The following CCSER1 variants were observed in gnomAD, a reference collection of about 807,000 sequenced individuals.
The protein encoded by CCSER1 is coiled-coil serine rich protein 1, also known as serine-rich coiled-coil domain-containing protein 1.
In CCSER1, 41 loss-of-function variants were observed where a neutral mutation model predicts 82.0. The ratio of observed to expected loss-of-function variants is 0.50; its 90% confidence interval spans 0.39 to 0.65. CCSER1 has a LOEUF of 0.65. Among genes scored for constraint, CCSER1 ranks in the 30% least tolerant of loss-of-function variants. CCSER1 has a pLI of 0.00. For synonymous variants in CCSER1, 414 were observed against 383.9 expected (o/e 1.08, Z -0.92); for missense variants, 1,119 against 1,064.2 (o/e 1.05, Z -0.72).
chr4:91,074,808 A>C (rs556378825), intron 9 of CCSER1, among the ~76,000 whole-genome samples: 1 of 152,330 alleles, frequency 6.6e-6, no homozygotes, highest in African/African-American at 2.4e-5. Flanking sequence ...TTTAAAAATT[A>C]TTATTTTATT....
At chr4:91,164,004 G>T (rs1027895385) in intron 10 of CCSER1, among the ~76,000 whole-genome samples, 1 of 152,152 alleles carries the variant, frequency 6.6e-6, no homozygotes, top group Non-Finnish European at 1.5e-5. Context: ...CTCGTTAGTT[G>T]ATGCAGTTTC....
At chr4:91,052,543 T>C (rs932537875) in intron 9 of CCSER1, among the ~76,000 whole-genome samples, 2 of 152,236 alleles carry the variant, frequency 1.3e-5, no homozygotes, top group South Asian at 2.1e-4. Flanking sequence ...CATCCTGTTG[T>C]GGATCACTTG....
intron 10 of CCSER1, among the ~76,000 whole-genome samples, chr4:91,249,698 T>A (rs1248332716): frequency 6.6e-6 from 1 of 152,178 alleles, no homozygotes; most frequent in Non-Finnish European, 1.5e-5. Flanking sequence ...CTAAAGTTTG[T>A]TTATAATACT....
At position 91,163,819 on chromosome 4, in the gene CCSER1, G is replaced by A. The variant is rs558941742; in HGVS notation, c.2217+77825G>A. The stretch of plus-strand genomic sequence containing the variant: ...CTCTATCCCTTTATTTTGAGCCTAT[G>A]TGTGTCTCTGCAAGTGAGATGGGTT... On this transcript the variant is annotated intron_variant, in intron 10 of 10. Coordinates refer to ENST00000509176, the MANE Select transcript of CCSER1 (RefSeq NM_001145065.2). Among the ~76,000 whole-genome samples the A allele has an allele frequency of 5.3e-5, 8 of 152,156 alleles. No individual in the cohort carries two copies. The East Asian group carries it at 1.4e-3, about 26-fold the overall frequency.
At chr4:90,492,799 G>A (rs145664471) in intron 5 of CCSER1, among the ~76,000 whole-genome samples, 2,565 of 152,244 alleles carry the variant, frequency 0.017, 68 homozygotes, top group African/African-American at 0.059. Context: ...TCAGGAGCAG[G>A]TTGTTCAGTT....
At chr4:90,675,371 T>A (rs1482630256) in intron 6 of CCSER1, among the ~76,000 whole-genome samples, 1 of 151,786 alleles carries the variant, frequency 6.6e-6, no homozygotes, top group Non-Finnish European at 1.5e-5. Flanking sequence ...AAGAAAAAAA[T>A]ATTCTATATT....
At chr4:91,115,969 T>C (rs932512306) in intron 10 of CCSER1, among the ~76,000 whole-genome samples, 1 of 151,720 alleles carries the variant, frequency 6.6e-6, no homozygotes, top group Admixed American at 6.6e-5. Context: ...ACTTGTCATT[T>C]ACATTAGGTA....
intron 1 of CCSER1, among the ~76,000 whole-genome samples, chr4:90,186,945 G>A (rs1269730071): frequency 1.3e-5 from 2 of 151,766 alleles, no homozygotes; most frequent in African/African-American, 2.4e-5. Flanking sequence ...TTTCTGCATC[G>A]TTTTTCCCTT....
At chr4:91,464,511 CTTA>C (rs1756741616) in intron 10 of CCSER1, among the ~76,000 whole-genome samples, 1 of 152,080 alleles carries the variant, frequency 6.6e-6, no homozygotes, top group Non-Finnish European at 1.5e-5. Flanking sequence ...CAATATAAAC[CTTA>C]AATGTAAATG....
At chr4:90,557,815 A>G (rs1490775530) in intron 5 of CCSER1, among the ~76,000 whole-genome samples, 1 of 152,140 alleles carries the variant, frequency 6.6e-6, no homozygotes, top group Non-Finnish European at 1.5e-5. Flanking sequence ...CTCATATTAC[A>G]TGTGGACATT....
At chr4:90,951,627 T>C (rs1277758144) in intron 9 of CCSER1, among the ~76,000 whole-genome samples, 1 of 152,116 alleles carries the variant, frequency 6.6e-6, no homozygotes, top group East Asian at 1.9e-4. Flanking sequence ...CATTTGTAAA[T>C]ATTAATGAAG....
intron 10 of CCSER1, among the ~76,000 whole-genome samples, chr4:91,448,316 T>C (rs1755683820): frequency 6.6e-6 from 1 of 152,104 alleles, no homozygotes; most frequent in Non-Finnish European, 1.5e-5. Flanking sequence ...AATTCTCCTG[T>C]TCTTCTTTAA....
intron 9 of CCSER1, among the ~76,000 whole-genome samples, chr4:90,977,001 T>C (rs1414041875): frequency 6.6e-6 from 1 of 151,600 alleles, no homozygotes; most frequent in Non-Finnish European, 1.5e-5. Flanking sequence ...CTGTGCTTAA[T>C]AAAAATATAA....
intron 1 of CCSER1, among the ~76,000 whole-genome samples, chr4:90,279,695 C>T (rs1227832412): frequency 6.6e-6 from 1 of 151,904 alleles, no homozygotes; most frequent in Non-Finnish European, 1.5e-5. Context: ...ATCCAGAGAG[C>T]CTTACAGTCA....
At chr4:90,397,756 C>T (rs1459541586) in intron 3 of CCSER1, among the ~76,000 whole-genome samples, 2 of 152,058 alleles carry the variant, frequency 1.3e-5, no homozygotes, top group Non-Finnish European at 2.9e-5. Flanking sequence ...CTGGTAGCTC[C>T]CTTTATAGCT....
At position 90,267,422 on chromosome 4, in the gene CCSER1, A is replaced by G. The variant is rs375048070; in HGVS notation, c.-41-40822A>G. Reference sequence around the variant, plus strand: ...CCACCTGGGGCCTGGGGACCTTGCAACCCTTCAGAAAAGAACACAAATCTG... The same window carrying G: ...CCACCTGGGGCCTGGGGACCTTGCAGCCCTTCAGAAAAGAACACAAATCTG... On this transcript the variant is annotated intron_variant, in intron 1 of 10. Coordinates refer to ENST00000509176, the MANE Select transcript of CCSER1 (RefSeq NM_001145065.2). 8.2e-4 allele frequency among the ~76,000 whole-genome samples: 125 copies of G among 152,192 alleles called. 2 individuals are homozygous for G. In the South Asian group the frequency reaches 0.013, roughly 16 times the overall value.
chr4:91,359,373 C>T (rs112010299), intron 10 of CCSER1, among the ~76,000 whole-genome samples: 48,614 of 151,302 alleles, frequency 0.32, 8,941 homozygotes, highest in African/African-American at 0.44. Flanking sequence ...TGTTGTTTTT[C>T]CTTAAAACAG....
At chr4:90,231,109 C>T (rs1744434799) in intron 1 of CCSER1, among the ~76,000 whole-genome samples, 1 of 152,072 alleles carries the variant, frequency 6.6e-6, no homozygotes, top group African/African-American at 2.4e-5. Flanking sequence ...GGAATCCTCC[C>T]TAACTCATTT....
At chr4:90,299,314 A>G (rs1308252085) in intron 1 of CCSER1, among the ~76,000 whole-genome samples, 1 of 152,078 alleles carries the variant, frequency 6.6e-6, no homozygotes, top group Admixed American at 6.6e-5. Flanking sequence ...TTTTGTGTCA[A>G]TTCATTTTTA....
Sources: gnomAD v4.1 joint callset for allele counts (sites outside exome capture counted in the v4.1 genomes callset) on GRCh38, gnomAD v4.1.1 for gene constraint, MANE v1.5 for transcripts, NCBI Gene and HGNC (gene_info 2026-07-23, HGNC 2026-07-21) for gene names.